PCNX1: variants seen among roughly 807,000 people sequenced by gnomAD.
The protein encoded by PCNX1 is pecanex-like protein 1.
PCNX1 carries 78 observed loss-of-function variants against 242.2 expected under a neutral mutation model. That is an observed-to-expected ratio of 0.32 (90% confidence interval 0.27 to 0.39). The LOEUF (loss-of-function observed/expected upper bound fraction) is 0.39, where lower values mean the gene tolerates loss of function less well. Ranked by LOEUF, PCNX1 falls within the 10% of genes least tolerant of loss-of-function variation. The pLI, the probability that PCNX1 is intolerant of heterozygous loss-of-function variation, is 1.00. For missense variants in PCNX1, 2,581 were observed against 2,856.5 expected (o/e 0.90, Z 2.20); for synonymous variants, 1,024 against 1,032.9 (o/e 0.99, Z 0.17).
intron 1 of PCNX1, among the ~76,000 whole-genome samples, chr14:70,936,833 G>A (rs577423252): frequency 2.2e-4 from 33 of 152,338 alleles, no homozygotes; most frequent in Admixed American, 2.0e-3. Context: ...TCTAACTGGT[G>A]TGAGATGGTA....
chr14:70,914,919 A>G (rs1294128357), intron 1 of PCNX1, among the ~76,000 whole-genome samples: 1 of 152,094 alleles, frequency 6.6e-6, no homozygotes, highest in Non-Finnish European at 1.5e-5. Flanking sequence ...CACTCCAGAT[A>G]GTTTCTGCTT....
chr14:70,936,619 T>C (rs1566587822), intron 1 of PCNX1, among the ~76,000 whole-genome samples: 1 of 152,246 alleles, frequency 6.6e-6, no homozygotes, highest in East Asian at 1.9e-4. Context: ...TATAGCAGCA[T>C]GATTTATGAT....
At chr14:70,998,732 CAG>C (rs1438874011) in intron 8 of PCNX1, among the ~76,000 whole-genome samples, 1 of 117,402 alleles carries the variant, frequency 8.5e-6, no homozygotes, top group African/African-American at 3.3e-5. Context: ...GCCTGGGTGA[CAG>C]AGTGAGACCC....
chr14:71,018,421 C>T (rs2060013294), intron 11 of PCNX1, among the ~76,000 whole-genome samples: 1 of 151,888 alleles, frequency 6.6e-6, no homozygotes, highest in Non-Finnish European at 1.5e-5. Flanking sequence ...GTCTTAGCAA[C>T]TTTGATAGAA....
intron 10 of PCNX1, 144 bp downstream of exon 10, chr14:71,011,693 C>T (rs1317694727): frequency 3.3e-6 from 2 of 605,110 alleles, no homozygotes. Flanking sequence ...CACTTTGCTG[C>T]CCTCCAGTGG....
At chr14:71,080,832 C>T (rs958981191) in intron 28 of PCNX1, among the ~76,000 whole-genome samples, 6 of 152,276 alleles carry the variant, frequency 3.9e-5, no homozygotes, top group East Asian at 1.9e-4. Flanking sequence ...AATTTGACTT[C>T]CTCTCTTCCT....
chr14:70,948,456 G>A (rs770969450), intron 2 of PCNX1, among the ~76,000 whole-genome samples: 6 of 152,048 alleles, frequency 3.9e-5, no homozygotes, highest in Non-Finnish European at 8.8e-5. Flanking sequence ...ACTACTGTAT[G>A]ATAGTTACTT....
chr14:71,049,124 G>A, intron 22 of PCNX1: 1 of 878,116 alleles, frequency 1.1e-6, no homozygotes, highest in Non-Finnish European at 1.4e-6. Flanking sequence ...GGAAAAAAGT[G>A]AAAGTTGCAG....
At chr14:70,950,126 C>G (rs1047742781) in intron 2 of PCNX1, among the ~76,000 whole-genome samples, 26 of 152,176 alleles carry the variant, frequency 1.7e-4, no homozygotes, top group African/African-American at 6.3e-4. Flanking sequence ...TTATTCTTAA[C>G]ATGAGTACCC....
chr14:71,047,702 T>C, intron 21 of PCNX1, 105 bp from the exon 22 acceptor site: 1 of 870,442 alleles, frequency 1.1e-6, no homozygotes, highest in Non-Finnish European at 1.8e-6. Context: ...ACATTTAATG[T>C]ATATATTATA....
chr14:70,963,906 G>A (rs1486215302), intron 3 of PCNX1, among the ~76,000 whole-genome samples: 4 of 152,138 alleles, frequency 2.6e-5, no homozygotes. Flanking sequence ...ACTGTATCAT[G>A]CGGCTCATTC....
intron 8 of PCNX1, among the ~76,000 whole-genome samples, chr14:71,006,820 G>A (rs7145484): frequency 0.37 from 55,661 of 151,938 alleles, 10,458 homozygotes; most frequent in East Asian, 0.62. Context: ...TCTTTTTCTG[G>A]TGTGTTTATC....
rs2062828645 is a variant in PCNX1 at position 71,114,958 on chromosome 14, G to GGA, written c.*5023_*5024insGA. On this transcript the variant is annotated 3_prime_UTR_variant, in exon 36 of 36. Transcript: ENST00000304743. Reference sequence around the variant, plus strand: ...ATAATAGAAATGGGGGGGGGGGGGGGAATCATGTCTGCTTATGCTTTTTAA... The same window carrying GGA: ...ATAATAGAAATGGGGGGGGGGGGGGGGAAATCATGTCTGCTTATGCTTTTTAA... The GGA allele has an allele frequency of 1.2e-4, 6 of 50,540 alleles. No homozygotes were observed. Among genetic ancestry groups the GGA allele is most frequent in the Non-Finnish European group, 2.6e-4 (6 of 23,522 alleles). 3.1% of individuals were successfully genotyped at this position (50,540 alleles called of 1,614,324 possible).
chr14:71,052,648 T>C (rs1045455923), intron 24 of PCNX1, among the ~76,000 whole-genome samples: 15 of 152,242 alleles, frequency 9.9e-5, no homozygotes, highest in African/African-American at 3.6e-4. Context: ...AATATCGTTA[T>C]AACAGTCATA....
intron 27 of PCNX1, 117 bp from the exon 28 acceptor site, chr14:71,076,072 A>G: frequency 3.1e-6 from 2 of 648,428 alleles, no homozygotes; most frequent in Admixed American, 5.7e-5. Context: ...AGTCAGACTA[A>G]AAAGTGTTTT....
chr14:70,941,989 A>G (rs2057268739), intron 1 of PCNX1, among the ~76,000 whole-genome samples: 1 of 152,192 alleles, frequency 6.6e-6, no homozygotes, highest in South Asian at 2.1e-4. Flanking sequence ...AAAGCACAGT[A>G]TTAGGGTGGG....
chr14:71,031,606 T>G (rs189403654), intron 16 of PCNX1: 3 of 570,708 alleles, frequency 5.3e-6, no homozygotes, highest in Non-Finnish European at 9.7e-6. Flanking sequence ...CACAATAGAC[T>G]TAGGCAGCCC....
intron 1 of PCNX1, among the ~76,000 whole-genome samples, chr14:70,933,032 A>G (rs1427364348): frequency 2.6e-5 from 4 of 152,218 alleles, no homozygotes; most frequent in Non-Finnish European, 1.5e-5. Context: ...GGAAGACACC[A>G]AAAAACATGA....
chr14:71,053,484 T>C, intron 24 of PCNX1: 1 of 340,640 alleles, frequency 2.9e-6, no homozygotes, highest in Non-Finnish European at 5.7e-6. Context: ...CACCTGGCTA[T>C]TTTTTGTATT....
Sources: gnomAD v4.1 joint callset for allele counts (sites outside exome capture counted in the v4.1 genomes callset) on GRCh38, gnomAD v4.1.1 for gene constraint, MANE v1.5 for transcripts, NCBI Gene and HGNC (gene_info 2026-07-23, HGNC 2026-07-21) for gene names.